Variants in CTIF observed in about 807,000 individuals in gnomAD.
The protein encoded by CTIF is cap binding complex dependent translation initiation factor.
A neutral mutation model predicts 66.0 loss-of-function variants in CTIF; 21 were observed. That is an observed-to-expected ratio of 0.32 (90% CI 0.23 to 0.46). The LOEUF is 0.46. Ranked by LOEUF, CTIF falls within the 20% of genes least tolerant of loss-of-function variation. The pLI, the probability that CTIF is intolerant of heterozygous loss-of-function variation, is 1.00. For missense variants in CTIF, 739 were observed against 812.7 expected, an observed-to-expected ratio of 0.91 and a Z score of 1.10; for synonymous variants, 345 against 326.4, an observed-to-expected ratio of 1.06 and a Z score of -0.62.
intron 7 of CTIF, among the ~76,000 whole-genome samples, chr18:48,730,499 G>T (rs76048652): frequency 0.93 from 37,651 of 40,588 alleles, 17,488 homozygotes; most frequent in Middle Eastern, 0.96. Context: ...GGGCTTCTGC[G>T]GTGTGAGGGG....
At chr18:48,787,372 CAGGAGGAAGGGAGAGA>C (rs1191673953) in intron 9 of CTIF, among the ~76,000 whole-genome samples, 6 of 151,974 alleles carry the variant, frequency 3.9e-5, no homozygotes, top group Non-Finnish European at 8.8e-5. Context: ...GGAAGGAGGG[CAGGAGGAAGGGAGAGA>C]AGGAGGAAGG....
At chr18:48,673,335 C>T (rs1165563530) in intron 6 of CTIF, among the ~76,000 whole-genome samples, 1 of 151,964 alleles carries the variant, frequency 6.6e-6, no homozygotes, top group Admixed American at 6.6e-5. Flanking sequence ...GACACTCAGT[C>T]GTCCCTCTGT....
intron 1 of CTIF, among the ~76,000 whole-genome samples, chr18:48,594,985 G>A (rs1036022024): frequency 1.3e-5 from 2 of 152,248 alleles, no homozygotes; most frequent in East Asian, 1.9e-4. Flanking sequence ...AGAGGGAGGT[G>A]GCCGTGAGCT....
chr18:48,674,845 C>T (rs910603665), intron 6 of CTIF, among the ~76,000 whole-genome samples: 1 of 152,210 alleles, frequency 6.6e-6, no homozygotes, highest in Non-Finnish European at 1.5e-5. Flanking sequence ...AGTAAAGGGT[C>T]TGTTGGTGGT....
intron 3 of CTIF, among the ~76,000 whole-genome samples, chr18:48,646,408 T>A (rs1414649371): frequency 6.6e-6 from 1 of 151,124 alleles, no homozygotes; most frequent in African/African-American, 2.4e-5. Flanking sequence ...TAAAATAATT[T>A]TTTTTAAAGT....
In CTIF at chr18:48,579,658, C is replaced by G. The variant is rs144072776; in HGVS notation, c.-28-39880C>G. ...ATCCCTGCTGCTCTAGGAAGGCCTG[C>G]ATTGCCAGCCCAGAACCTTGACCCT... On this transcript the variant is annotated intron_variant, in intron 1 of 11. Transcript: ENST00000256413. 4.6e-5 allele frequency among the ~76,000 whole-genome samples: 7 copies of G among 152,296 alleles called. No individual in the cohort carries two copies. The East Asian group carries it at 1.3e-3, about 29-fold the overall frequency.
chr18:48,677,207 T>A (rs2091645489), intron 6 of CTIF, among the ~76,000 whole-genome samples: 1 of 152,136 alleles, frequency 6.6e-6, no homozygotes, highest in Non-Finnish European at 1.5e-5. Flanking sequence ...AGCAGAGTCC[T>A]GAAAACCATG....
At chr18:48,552,851 A>T (rs1298492432) in intron 1 of CTIF, among the ~76,000 whole-genome samples, 1 of 152,174 alleles carries the variant, frequency 6.6e-6, no homozygotes, top group Non-Finnish European at 1.5e-5. Context: ...TGAAAAGGTC[A>T]CTGGTCTTAG....
chr18:48,638,416 C>T (rs901067892), intron 3 of CTIF, among the ~76,000 whole-genome samples: 1 of 152,138 alleles, frequency 6.6e-6, no homozygotes, highest in Non-Finnish European at 1.5e-5. Context: ...TGTCTGCTGT[C>T]TTTCCCCTCT....
chr18:48,850,383 G>A (rs2069174247), intron 10 of CTIF, among the ~76,000 whole-genome samples: 1 of 152,220 alleles, frequency 6.6e-6, no homozygotes, highest in Non-Finnish European at 1.5e-5. Flanking sequence ...TGAGCTAAGT[G>A]AAGCTGTTGT....
intron 7 of CTIF, among the ~76,000 whole-genome samples, chr18:48,714,459 G>A (rs1468777329): frequency 6.6e-6 from 1 of 152,210 alleles, no homozygotes; most frequent in African/African-American, 2.4e-5. Flanking sequence ...AGAGGAGTCT[G>A]TGGCTTTCCA....
chr18:48,550,404 G>T (rs925808325), intron 1 of CTIF, among the ~76,000 whole-genome samples: 1 of 152,238 alleles, frequency 6.6e-6, no homozygotes, highest in African/African-American at 2.4e-5. Flanking sequence ...TGCAGAATGA[G>T]TTCTGTTGTC....
intron 7 of CTIF, among the ~76,000 whole-genome samples, chr18:48,728,639 C>T (rs1396782555): frequency 3.9e-5 from 6 of 152,080 alleles, no homozygotes; most frequent in Admixed American, 2.6e-4. Flanking sequence ...CTTGGCTCCT[C>T]ACTGGCTGTT....
intron 1 of CTIF, among the ~76,000 whole-genome samples, chr18:48,609,630 G>A (rs942063983): frequency 1.3e-5 from 2 of 152,154 alleles, no homozygotes; most frequent in Non-Finnish European, 2.9e-5. Context: ...ACCCAGACTC[G>A]GGACCCATAA....
intron 6 of CTIF, among the ~76,000 whole-genome samples, chr18:48,677,883 G>C (rs956352373): frequency 2.6e-5 from 4 of 152,204 alleles, no homozygotes; most frequent in African/African-American, 9.7e-5. Context: ...AGGCTACCAT[G>C]ACTTGAGTGC....
intron 1 of CTIF, among the ~76,000 whole-genome samples, chr18:48,551,814 T>C (rs74714759): frequency 6.6e-6 from 1 of 151,834 alleles, no homozygotes; most frequent in Non-Finnish European, 1.5e-5. Context: ...TTTTTTTTTT[T>C]GGAGACGGAG....
intron 1 of CTIF, among the ~76,000 whole-genome samples, chr18:48,608,109 CAT>C (rs957424799): frequency 3.3e-5 from 5 of 151,964 alleles, no homozygotes; most frequent in African/African-American, 7.3e-5. Context: ...AGGCAGGTAA[CAT>C]GTGTGAGTGA....
chr18:48,611,566 T>G lies in CTIF; in HGVS notation c.-28-7972T>G, dbSNP rs75622041. Among the ~76,000 whole-genome samples the G allele has an allele frequency of 5.6e-4, 85 of 152,312 alleles. No homozygotes were observed. The East Asian group carries it at 0.016, about 28-fold the overall frequency. On this transcript the variant is annotated intron_variant, in intron 1 of 11. Transcript: ENST00000256413. ...TTTTCTAGATCTTGTCTATTTCAAG[T>G]GTAGTTCTCTGACTGGCAGCAGCAG...
intron 1 of CTIF, among the ~76,000 whole-genome samples, chr18:48,572,501 G>A (rs1258224083): frequency 3.3e-5 from 5 of 152,148 alleles, no homozygotes; most frequent in East Asian, 1.9e-4. Context: ...GCTCAGAGAG[G>A]TAAATTAAAT....
Sources: allele counts gnomAD v4.1 joint callset (sites outside exome capture counted in the v4.1 genomes callset), GRCh38; gene constraint gnomAD v4.1.1; transcripts MANE v1.5; gene names NCBI Gene and HGNC (gene_info 2026-07-23, HGNC 2026-07-21).